The following PLD1 variants were observed in gnomAD, a reference collection of about 807,000 sequenced individuals.
PLD1 encodes choline phosphatase 1.
Under a neutral mutation model 137.1 loss-of-function variants are expected in PLD1, and 112 were observed. The ratio of observed to expected loss-of-function variants is 0.82; its 90% CI spans 0.70 to 0.96. The LOEUF (loss-of-function observed/expected upper bound fraction) is 0.96. Ranked by LOEUF, PLD1 falls within the 40% of genes least tolerant of loss-of-function variation. The pLI is 0.00. For missense variants in PLD1, 1,321 were observed against 1,342.0 expected (o/e 0.98, Z 0.24); for synonymous variants, 431 against 454.7 (o/e 0.95, Z 0.66).
At chr3:171,615,226 A>T (rs987858209) in intron 24 of PLD1, among the ~76,000 whole-genome samples, 1 of 152,238 alleles carries the variant, frequency 6.6e-6, no homozygotes, top group Non-Finnish European at 1.5e-5. Flanking sequence ...AAAGATACAC[A>T]CTGAACTGTT....
chr3:171,773,795 C>G (rs530920692), intron 1 of PLD1, among the ~76,000 whole-genome samples: 4 of 151,954 alleles, frequency 2.6e-5, no homozygotes, highest in African/African-American at 9.7e-5. Context: ...GTCACCCAGG[C>G]GGGACTGCAG....
chr3:171,700,707 T>C (rs965904181), intron 11 of PLD1, among the ~76,000 whole-genome samples: 1 of 152,196 alleles, frequency 6.6e-6, no homozygotes, highest in Non-Finnish European at 1.5e-5. Flanking sequence ...TGAGGGAACC[T>C]GGGGCTTTCT....
chr3:171,645,606 C>T (rs141283394), intron 21 of PLD1, among the ~76,000 whole-genome samples: 8 of 151,768 alleles, frequency 5.3e-5, no homozygotes, highest in Admixed American at 3.3e-4. Context: ...AGTGGCCGGC[C>T]GGGCGTGGTG....
chr3:171,754,350 C>CT (rs1196869969), intron 1 of PLD1, among the ~76,000 whole-genome samples: 2 of 152,180 alleles, frequency 1.3e-5, no homozygotes, highest in African/African-American at 4.8e-5. Context: ...ACACATATCT[C>CT]TTAATTTTCC....
chr3:171,714,072 A>G, intron 8 of PLD1, 27 bp from the exon 9 acceptor site: 1 of 1,460,546 alleles, frequency 6.8e-7, no homozygotes, highest in African/African-American at 1.4e-5. Flanking sequence ...AGTATTTTTA[A>G]AAGTTGCATT....
At chr3:171,686,196 T>C (rs1430293551) in intron 16 of PLD1, among the ~76,000 whole-genome samples, 1 of 152,056 alleles carries the variant, frequency 6.6e-6, no homozygotes, top group Non-Finnish European at 1.5e-5. Flanking sequence ...ATATATCTTC[T>C]TAGTCTTATA....
At chr3:171,624,778 G>A (rs1733943059) in intron 23 of PLD1, among the ~76,000 whole-genome samples, 1 of 152,096 alleles carries the variant, frequency 6.6e-6, no homozygotes, top group African/African-American at 2.4e-5. Context: ...AAAAGGCAAG[G>A]TGAACAAGAG....
At chr3:171,624,803 T>G (rs1241376770) in intron 23 of PLD1, among the ~76,000 whole-genome samples, 2 of 152,224 alleles carry the variant, frequency 1.3e-5, no homozygotes, top group East Asian at 1.9e-4. Flanking sequence ...TGCAGTATAT[T>G]TTTTTGTGAA....
chr3:171,807,292 C>T (rs1295926223), intron 1 of PLD1, among the ~76,000 whole-genome samples: 1 of 134,120 alleles, frequency 7.5e-6, no homozygotes, highest in East Asian at 2.2e-4. Flanking sequence ...GAGACCCTGT[C>T]TCAAAAAAAA....
chr3:171,794,157 A>AAC lies in PLD1; in HGVS notation c.-32+16241_-32+16242insGT, dbSNP rs1723335817. On this transcript the variant is annotated intron_variant, in intron 1 of 26. Transcript: ENST00000351298. ...AAGAATCCATCTCAAAAAAAAAAAA[A>AAC]GAAAAGTACTGTACAATAAGATATT... 6.6e-5 allele frequency among the ~76,000 whole-genome samples: 10 copies of AAC among 152,024 alleles called. No individual in the cohort carries two copies. In the South Asian group the frequency reaches 1.9e-3, roughly 28 times the overall value.
chr3:171,608,762 T>C (rs896405455), intron 25 of PLD1, among the ~76,000 whole-genome samples: 4 of 152,064 alleles, frequency 2.6e-5, no homozygotes, highest in Non-Finnish European at 2.9e-5. Flanking sequence ...TAAAATACAC[T>C]GCAGATGTTA....
chr3:171,789,635 G>A (rs2108349584), intron 1 of PLD1: 1 of 152,338 alleles, frequency 6.6e-6, no homozygotes, highest in South Asian at 2.1e-4. Context: ...CAAATTTTAA[G>A]TGCTACTAAC....
At chr3:171,712,487 A>T (rs1717340734) in intron 9 of PLD1, among the ~76,000 whole-genome samples, 1 of 152,248 alleles carries the variant, frequency 6.6e-6, no homozygotes, top group South Asian at 2.1e-4. Context: ...GAACTATTCC[A>T]AACATGGACA....
intron 23 of PLD1, among the ~76,000 whole-genome samples, chr3:171,628,924 T>G (rs1734388907): frequency 6.7e-6 from 1 of 149,896 alleles, no homozygotes; most frequent in Non-Finnish European, 1.5e-5. Context: ...GGGCAAAAAC[T>G]GGAAGCATTC....
chr3:171,677,105 C>A (rs1713453569), intron 17 of PLD1, among the ~76,000 whole-genome samples: 1 of 152,224 alleles, frequency 6.6e-6, no homozygotes, highest in Non-Finnish European at 1.5e-5. Context: ...TACAAATTAT[C>A]TAAGGCTGTG....
chr3:171,734,261 C>T (rs891886478), intron 5 of PLD1, among the ~76,000 whole-genome samples: 1 of 152,188 alleles, frequency 6.6e-6, no homozygotes, highest in African/African-American at 2.4e-5. Flanking sequence ...GGAACATAAA[C>T]ATTTCAGATT....
chr3:171,685,540 G>T lies in PLD1; in HGVS notation c.1867+1145C>A, dbSNP rs576803885. On this transcript the variant is annotated intron_variant, in intron 16 of 26. Coordinates refer to ENST00000351298, the MANE Select transcript of PLD1 (RefSeq NM_002662.5). ...CCTGAGTTTCTTCATCTGTAAAAAG[G>T]AGATGACAATATCACTACCAAGCAC... 4.0e-4 allele frequency among the ~76,000 whole-genome samples: 61 copies of T among 152,280 alleles called. No individual in the cohort carries two copies. In the South Asian group the frequency reaches 0.012, roughly 30 times the overall value.
intron 1 of PLD1, among the ~76,000 whole-genome samples, chr3:171,742,587 A>T (rs1419138678): frequency 6.6e-6 from 1 of 152,200 alleles, no homozygotes; most frequent in Non-Finnish European, 1.5e-5. Flanking sequence ...AACGTAAAAA[A>T]AAATTATGAT....
intron 11 of PLD1, among the ~76,000 whole-genome samples, chr3:171,704,469 A>AAAAAAAAAAAAAAC (rs1716513298): frequency 6.6e-6 from 1 of 150,410 alleles, no homozygotes; most frequent in African/African-American, 2.5e-5. Context: ...AAAAAAAAAA[A>AAAAAAAAAAAAAAC]AAAAAAAACC....
Sources: gnomAD v4.1 joint callset for allele counts (sites outside exome capture counted in the v4.1 genomes callset) on GRCh38, gnomAD v4.1.1 for gene constraint, MANE v1.5 for transcripts, NCBI Gene and HGNC (gene_info 2026-07-23, HGNC 2026-07-21) for gene names.